MSRB2: variants seen among roughly 807,000 people sequenced by gnomAD.
MSRB2 encodes methionine-R-sulfoxide reductase B2, mitochondrial.
Under a neutral mutation model 19.0 loss-of-function variants are expected in MSRB2, and 17 were observed. The ratio of observed to expected loss-of-function variants is 0.89; its 90% CI spans 0.61 to 1.34. The LOEUF (loss-of-function observed/expected upper bound fraction) is 1.34, where lower values mean the gene tolerates loss of function less well. Among genes scored for constraint, MSRB2 ranks in the 40% most tolerant of loss-of-function variants. MSRB2 has a pLI of 0.00. For missense variants in MSRB2, 208 were observed against 237.6 expected (o/e 0.88, Z 0.82); for synonymous variants, 107 against 99.7 (o/e 1.07, Z -0.44).
At chr10:23,097,161 AC>A (rs1245171689) in intron 1 of MSRB2, among the ~76,000 whole-genome samples, 1 of 152,258 alleles carries the variant, frequency 6.6e-6, no homozygotes, top group Non-Finnish European at 1.5e-5. Flanking sequence ...AGAAATACTT[AC>A]GTAAATCATG....
intron 1 of MSRB2, among the ~76,000 whole-genome samples, chr10:23,098,061 A>T (rs891182515): frequency 6.6e-6 from 1 of 152,226 alleles, no homozygotes; most frequent in African/African-American, 2.4e-5. Context: ...CTGTTGCTTC[A>T]GGAAAATATT....
rs201313808 is a variant in MSRB2 at position 23,110,265 on chromosome 10, T to A, written c.243T>A (p.Asn81Lys). ...TEPPFSGIYL[N>K]NKEAGMYHCV... ...AGCCTTTCAGTGGGATCTACCTGAA[T>A]AACAAGGAAGCAGGAATGTATCATT... Residue 81 changes from asparagine to lysine, a missense_variant, in exon 3 of 5, where the codon AAT becomes AAA. Coordinates refer to ENST00000376510, the MANE Select transcript of MSRB2 (RefSeq NM_012228.4). The A allele has an allele frequency of 2.7e-5, 43 of 1,613,908 alleles. No homozygotes were observed. The African/African-American group carries it at 5.5e-4, about 21-fold the overall frequency.
At chr10:23,114,286 GT>G (rs1415529661) in intron 3 of MSRB2, among the ~76,000 whole-genome samples, 4 of 147,840 alleles carry the variant, frequency 2.7e-5, no homozygotes, top group Non-Finnish European at 5.9e-5. Context: ...GGAGGTAGAG[GT>G]TTCATTGAGC....
At chr10:23,117,022 G>A (rs1840119217) in intron 3 of MSRB2, among the ~76,000 whole-genome samples, 1 of 152,134 alleles carries the variant, frequency 6.6e-6, no homozygotes, top group Non-Finnish European at 1.5e-5. Context: ...CATCATGACC[G>A]GAAACTCGAT....
At chr10:23,120,725 T>C (rs773068382) in intron 4 of MSRB2, 33 bp from the exon 5 acceptor site, 1 of 1,552,776 alleles carries the variant, frequency 6.4e-7, no homozygotes, top group Non-Finnish European at 8.8e-7. Context: ...TTTGTTTGCA[T>C]TTGGAGATGA....
At chr10:23,114,716 G>A (rs568765285) in intron 3 of MSRB2, among the ~76,000 whole-genome samples, 26 of 152,148 alleles carry the variant, frequency 1.7e-4, no homozygotes, top group Non-Finnish European at 3.2e-4. Context: ...GCAGCTCCCC[G>A]TAGTGTTATT....
rs1290626994 is a variant in MSRB2 at position 23,119,427 on chromosome 10, T to C, written c.420T>C (p.Ala140=). The part of the protein sequence containing the change: ...LRRLDTSLGS[A]RTEVVCKQCE... Reference sequence around the variant, plus strand: ...GTCTGGATACCTCGTTAGGATCAGCTCGCACAGAGGTTGTCTGCAAGCAGG... The same window carrying C: ...GTCTGGATACCTCGTTAGGATCAGCCCGCACAGAGGTTGTCTGCAAGCAGG... Residue 140 remains alanine (A), a synonymous_variant, in exon 4 of 5, where the codon GCT becomes GCC. Transcript: ENST00000376510. 1.2e-6 allele frequency: 2 copies of C among 1,614,034 alleles called. No homozygotes were observed. Among genetic ancestry groups the C allele is most frequent in the African/African-American group, 1.3e-5 (1 of 75,044 alleles).
At chr10:23,107,958 AT>A (rs201449480) in intron 2 of MSRB2, among the ~76,000 whole-genome samples, 4,337 of 146,376 alleles carry the variant, frequency 0.03, 125 homozygotes, top group African/African-American at 0.083. Context: ...CTTTTCATTG[AT>A]TTTTTTTTTT....
chr10:23,099,415 G>A (rs970170453), intron 1 of MSRB2, among the ~76,000 whole-genome samples: 17 of 152,170 alleles, frequency 1.1e-4, no homozygotes, highest in Admixed American at 2.6e-4. Context: ...TAAAGTTTTC[G>A]CACACATTAA....
intron 1 of MSRB2, among the ~76,000 whole-genome samples, chr10:23,102,443 G>T (rs1314829412): frequency 6.6e-6 from 1 of 151,962 alleles, no homozygotes; most frequent in Non-Finnish European, 1.5e-5. Context: ...TCACACATTG[G>T]TTTTAGTTGT....
chr10:23,104,331 G>A, intron 2 of MSRB2, 87 bp downstream of exon 2: 1 of 1,011,378 alleles, frequency 9.9e-7, no homozygotes, highest in Non-Finnish European at 1.5e-6. Context: ...AAACCCAGCT[G>A]CCCAGCAACA....
chr10:23,104,021 G>C, intron 1 of MSRB2, 123 bp from the exon 2 acceptor site: 1 of 619,382 alleles, frequency 1.6e-6, no homozygotes, highest in Non-Finnish European at 2.7e-6. Flanking sequence ...AAACTCGTGG[G>C]AGAGAGAGGA....
At chr10:23,119,252 A>G in intron 3 of MSRB2, 52 bp from the exon 4 acceptor site, 1 of 1,597,646 alleles carries the variant, frequency 6.3e-7, no homozygotes, top group East Asian at 2.2e-5. Context: ...ACCTCTTGGC[A>G]TGTTAATGAC....
In MSRB2 at chr10:23,104,260, T is replaced by C; in HGVS notation, c.219+16T>C. 1.9e-6 allele frequency: 3 copies of C among 1,608,690 alleles called. No homozygotes were observed. The highest frequency in any genetic ancestry group is 2.5e-6 in the Non-Finnish European group (3 of 1,177,570). ...AACGGAACCGGTAAGCTAAGCTGGT[T>C]TACAGTTTTCTGATTGCATGTGTTG... On this transcript the variant is annotated intron_variant, in intron 2 of 4. Coordinates refer to ENST00000376510, the MANE Select transcript of MSRB2 (RefSeq NM_012228.4).
rs533587127 is a variant in MSRB2 at position 23,115,650 on chromosome 10, A to C, written c.297-3654A>C. 1.1e-4 allele frequency among the ~76,000 whole-genome samples: 16 copies of C among 152,340 alleles called. 1 individual carries two copies. The South Asian group carries it at 3.3e-3, about 32-fold the overall frequency. ...GAATGGTTTTAGTTCTTCAAGGGCA[A>C]ACCTTACAATCTGCTAATCACTTAA... On this transcript the variant is annotated intron_variant, in intron 3 of 4. Coordinates refer to ENST00000376510, the MANE Select transcript of MSRB2 (RefSeq NM_012228.4).
intron 4 of MSRB2, among the ~76,000 whole-genome samples, chr10:23,119,725 G>A (rs530006103): frequency 6.6e-6 from 1 of 152,126 alleles, no homozygotes; most frequent in African/African-American, 2.4e-5. Context: ...CTCCCGAGTA[G>A]TTGGGATTAC....
intron 2 of MSRB2, among the ~76,000 whole-genome samples, chr10:23,104,614 C>G (rs748404998): frequency 3.9e-5 from 6 of 152,162 alleles, no homozygotes; most frequent in Non-Finnish European, 8.8e-5. Flanking sequence ...CTGACCATAT[C>G]ACTCCCCAGC....
At chr10:23,116,404 G>T (rs966110527) in intron 3 of MSRB2, among the ~76,000 whole-genome samples, 5 of 152,300 alleles carry the variant, frequency 3.3e-5, no homozygotes, top group African/African-American at 1.2e-4. Context: ...CTATTTAACA[G>T]ATCACAGAAG....
intron 3 of MSRB2, among the ~76,000 whole-genome samples, chr10:23,117,830 A>G (rs901752517): frequency 6.6e-6 from 1 of 152,196 alleles, no homozygotes; most frequent in African/African-American, 2.4e-5. Flanking sequence ...AGCTCAAGTG[A>G]TCCACCCGCT....
Sources: gnomAD v4.1 joint callset for allele counts (sites outside exome capture counted in the v4.1 genomes callset) on GRCh38, gnomAD v4.1.1 for gene constraint, MANE v1.5 for transcripts, NCBI Gene and HGNC (gene_info 2026-07-23, HGNC 2026-07-21) for gene names.